YWHAG: variants seen among roughly 807,000 people sequenced by gnomAD.
YWHAG encodes the protein tyrosine 3-monooxygenase/tryptophan 5-monooxygenase activation protein gamma.
In YWHAG, 1 loss-of-function variant was observed where a neutral mutation model predicts 23.3. The ratio of observed to expected loss-of-function variants is 0.04; its 90% CI spans 0.02 to 0.20. The LOEUF (loss-of-function observed/expected upper bound fraction) is 0.20. Ranked by LOEUF, YWHAG falls within the 10% of genes least tolerant of loss-of-function variation. The probability of loss-of-function intolerance (pLI) is 1.00; values close to 1 mark genes in which losing one functional copy is unlikely to be tolerated. For synonymous variants in YWHAG, 160 were observed against 144.0 expected (o/e 1.11, Z -0.80); for missense variants, 151 against 338.6 (o/e 0.45, Z 4.35).
At chr7:76,339,828 C>T (rs1036407259) in intron 1 of YWHAG, among the ~76,000 whole-genome samples, 9 of 152,188 alleles carry the variant, frequency 5.9e-5, no homozygotes, top group African/African-American at 2.2e-4. Flanking sequence ...GCGGCTCACA[C>T]CTGTAATCCC....
At position 76,358,945 on chromosome 7, in the gene YWHAG, G is replaced by C; in HGVS notation, c.-137C>G. Reference sequence around the variant, plus strand: ...GCAGCTGAGGCGGCGGCTGCGCGGAGGAGGCGGCTGGAGCTGCGACCGCGG... The same window carrying C: ...GCAGCTGAGGCGGCGGCTGCGCGGACGAGGCGGCTGGAGCTGCGACCGCGG... On this transcript the variant is annotated 5_prime_UTR_variant, in exon 1 of 2. Coordinates refer to ENST00000307630, the MANE Select transcript of YWHAG (RefSeq NM_012479.4). The C allele has an allele frequency of 2.7e-6, 2 of 748,906 alleles. No individual in the cohort carries two copies. Among genetic ancestry groups the C allele is most frequent in the South Asian group, 2.9e-5 (1 of 34,734 alleles). 46.4% of individuals were successfully genotyped at this position (748,906 alleles called of 1,614,324 possible). A position where few individuals can be genotyped will look rare whatever the true frequency, so the allele number is the denominator to read the frequency against.
Position 76,334,278 on chromosome 7 carries a change from A to T in YWHAG, c.88-4045T>A, listed in dbSNP as rs944426699. Among the ~76,000 whole-genome samples, 5 of 152,366 alleles carry T rather than the reference A, an allele frequency of 3.3e-5. No homozygotes were observed. The East Asian group carries it at 9.6e-4, about 29-fold the overall frequency. ...CCATATTAGTTTTAAAGGTCAACAG[A>T]TAACCTCTTAAAAGAACAAGTTATT... On this transcript the variant is annotated intron_variant, in intron 1 of 1. Coordinates refer to ENST00000307630, the MANE Select transcript of YWHAG (RefSeq NM_012479.4).
At chr7:76,330,304 A>G (rs1165255425) in intron 1 of YWHAG, 71 bp from the exon 2 acceptor site, 8 of 1,467,266 alleles carry the variant, frequency 5.5e-6, no homozygotes, top group African/African-American at 1.4e-5. Context: ...TCTTTGAGAC[A>G]CTAGAACAGA....
chr7:76,328,826 G>GCCGAGCACCTATGAACCATAA lies in YWHAG; in HGVS notation c.*750_*751insTTATGGTTCATAGGTGCTCGG, dbSNP rs11270080. On this transcript the variant is annotated 3_prime_UTR_variant, in exon 2 of 2. Coordinates refer to ENST00000307630, the MANE Select transcript of YWHAG (RefSeq NM_012479.4). ...AAAAAAAAAAATCCCACAGCCACCT[G>GCCGAGCACCTATGAACCATAA]ACCTGAAGTCGCTTTCATTCTCATT... The GCCGAGCACCTATGAACCATAA allele has an allele frequency of 1.3e-5, 2 of 151,500 alleles. No homozygotes were observed. The highest frequency in any genetic ancestry group is 2.9e-5 in the Non-Finnish European group (2 of 67,958). 9.4% of individuals were successfully genotyped at this position (151,500 alleles called of 1,614,324 possible).
At chr7:76,349,432 C>G (rs1236857727) in intron 1 of YWHAG, among the ~76,000 whole-genome samples, 1 of 127,342 alleles carries the variant, frequency 7.9e-6, no homozygotes, top group South Asian at 2.7e-4. Context: ...CACACACACA[C>G]ACACACACAC....
intron 1 of YWHAG, among the ~76,000 whole-genome samples, chr7:76,345,763 C>T (rs1031247389): frequency 6.6e-6 from 1 of 151,780 alleles, no homozygotes; most frequent in African/African-American, 2.4e-5. Context: ...TGGTGAAACC[C>T]GTCTCTACTA....
intron 1 of YWHAG, among the ~76,000 whole-genome samples, chr7:76,341,956 C>T (rs1803702154): frequency 6.6e-6 from 1 of 152,204 alleles, no homozygotes; most frequent in South Asian, 2.1e-4. Context: ...CTCACACACA[C>T]CAGCAATCAA....
At chr7:76,340,161 T>C (rs1010672636) in intron 1 of YWHAG, among the ~76,000 whole-genome samples, 5 of 152,164 alleles carry the variant, frequency 3.3e-5, no homozygotes, top group African/African-American at 9.7e-5. Flanking sequence ...TGGGATTTGA[T>C]TGTGCCCCTA....
intron 1 of YWHAG, among the ~76,000 whole-genome samples, chr7:76,351,432 C>G (rs557366014): frequency 1.2e-4 from 18 of 152,264 alleles, no homozygotes; most frequent in African/African-American, 3.9e-4. Flanking sequence ...GTCTTAACCT[C>G]TATTACACAG....
Position 76,352,090 on chromosome 7 carries a change from T to C in YWHAG, c.87+6632A>G, listed in dbSNP as rs573652790. ...CAAAGACATGCTCACTGCTTCATGT[T>C]AGATTGCTACAAAAGCAGTCTGTAT... is the stretch of plus-strand genomic sequence containing the variant. On this transcript the variant is annotated intron_variant, in intron 1 of 1. Coordinates refer to ENST00000307630, the MANE Select transcript of YWHAG (RefSeq NM_012479.4). 1.1e-3 allele frequency among the ~76,000 whole-genome samples: 161 copies of C among 152,362 alleles called. 1 individual carries two copies. Among genetic ancestry groups the C allele is most frequent in the Middle Eastern group, 3.4e-3 (1 of 294 alleles).
chr7:76,337,944 C>T (rs1483526427), intron 1 of YWHAG, among the ~76,000 whole-genome samples: 2 of 152,160 alleles, frequency 1.3e-5, no homozygotes, highest in Non-Finnish European at 2.9e-5. Context: ...GTCTTGGGGA[C>T]TCTCAACACA....
At chr7:76,352,571 T>C (rs925943116) in intron 1 of YWHAG, among the ~76,000 whole-genome samples, 6 of 152,190 alleles carry the variant, frequency 3.9e-5, no homozygotes, top group African/African-American at 1.4e-4. Context: ...AAGAGTTTAT[T>C]TGGAATAATT....
intron 1 of YWHAG, among the ~76,000 whole-genome samples, chr7:76,336,773 T>A (rs530821782): frequency 6.7e-6 from 1 of 149,976 alleles, no homozygotes; most frequent in Non-Finnish European, 1.5e-5. Context: ...TTTTTTTTTT[T>A]CAACCTAGCA....
chr7:76,347,166 T>C (rs956615832), intron 1 of YWHAG, among the ~76,000 whole-genome samples: 11 of 152,222 alleles, frequency 7.2e-5, no homozygotes, highest in African/African-American at 2.7e-4. Flanking sequence ...TCAATTTCTT[T>C]TGTGGAATCA....
chr7:76,346,660 C>T (rs1450952179), intron 1 of YWHAG, among the ~76,000 whole-genome samples: 4 of 152,144 alleles, frequency 2.6e-5, no homozygotes, highest in Admixed American at 2.6e-4. Context: ...CTGCCCTTGC[C>T]GTTCTTGTCC....
At chr7:76,351,318 C>T (rs994564340) in intron 1 of YWHAG, among the ~76,000 whole-genome samples, 1 of 152,190 alleles carries the variant, frequency 6.6e-6, no homozygotes, top group Admixed American at 6.5e-5. Context: ...TAGCTTTCCT[C>T]GCCTTGGAAT....
rs776692453 is a variant in YWHAG at position 76,329,890 on chromosome 7, G to A, written c.431C>T (p.Ala144Val). ...CTTCTCGGAGGACTCCACCACCGTCGCCCTTTTCTCTCCGGTGGCCACTTC... is the reference window on the plus strand; with the variant it reads ...CTTCTCGGAGGACTCCACCACCGTCACCCTTTTCTCTCCGGTGGCCACTTC... ...LAEVATGEKRATVVESSEKAY... is the reference protein window; with the variant it reads ...LAEVATGEKRVTVVESSEKAY... Residue 144 changes from alanine to valine, a missense_variant, in exon 2 of 2, where the codon GCG (alanine) becomes GTG (valine). Transcript: ENST00000307630. The surrounding 1 kb of genome is among the most constrained non-coding windows in gnomAD (Gnocchi z 6.1). The A allele has an allele frequency of 7.4e-6, 12 of 1,614,016 alleles. No individual in the cohort carries two copies. Among genetic ancestry groups the A allele is most frequent in the Admixed American group, 3.3e-5 (2 of 59,994 alleles).
chr7:76,352,735 T>C (rs933141094), intron 1 of YWHAG, among the ~76,000 whole-genome samples: 13 of 151,440 alleles, frequency 8.6e-5, no homozygotes, highest in African/African-American at 3.2e-4. Flanking sequence ...CTGCAACCTC[T>C]GCCTCTTGGG....
chr7:76,334,849 C>T (rs1011390403), intron 1 of YWHAG, among the ~76,000 whole-genome samples: 2 of 151,970 alleles, frequency 1.3e-5, no homozygotes, highest in African/African-American at 4.8e-5. Context: ...CTCAGGTGAT[C>T]CTCCCACCTC....
Sources: gnomAD v4.1 joint callset for allele counts (sites outside exome capture counted in the v4.1 genomes callset) on GRCh38, gnomAD v4.1.1 for gene constraint, Gnocchi (gnomAD v3.1) non-coding constraint, MANE v1.5 for transcripts, NCBI Gene and HGNC (gene_info 2026-07-23, HGNC 2026-07-21) for gene names.